The following EXOC6 variants were observed in gnomAD, a reference collection of about 807,000 sequenced individuals.
EXOC6 encodes exocyst complex component 6, also known as SEC15-like 1.
EXOC6 carries 60 observed loss-of-function variants against 112.5 expected under a neutral mutation model. The ratio of observed to expected loss-of-function variants is 0.53; its 90% confidence interval spans 0.43 to 0.66. The LOEUF (loss-of-function observed/expected upper bound fraction) is 0.66, where lower values mean the gene tolerates loss of function less well. EXOC6 is among the 30% of genes least tolerant of loss of function. The pLI, the probability that EXOC6 is intolerant of heterozygous loss-of-function variation, is 0.00. For synonymous variants in EXOC6, 295 were observed against 308.0 expected, an observed-to-expected ratio of 0.96 and a Z score of 0.44; for missense variants, 855 against 957.1, an observed-to-expected ratio of 0.89 and a Z score of 1.41.
intron 11 of EXOC6, among the ~76,000 whole-genome samples, chr10:92,935,589 T>G (rs1275035391): frequency 3.3e-5 from 5 of 151,724 alleles, no homozygotes; most frequent in Non-Finnish European, 5.9e-5. Context: ...ATCTAAAAAC[T>G]TTTGAAATAT....
chr10:92,992,774 T>A (rs1156706213), intron 18 of EXOC6, among the ~76,000 whole-genome samples: 1 of 152,004 alleles, frequency 6.6e-6, no homozygotes, highest in Non-Finnish European at 1.5e-5. Context: ...TTTTAAAATT[T>A]AAATTTAAAA....
chr10:93,040,852 C>T (rs1845732702), intron 20 of EXOC6, among the ~76,000 whole-genome samples: 1 of 152,148 alleles, frequency 6.6e-6, no homozygotes, highest in Non-Finnish European at 1.5e-5. Context: ...AACATCCTTC[C>T]TCTTTCTTTT....
intron 8 of EXOC6, among the ~76,000 whole-genome samples, chr10:92,921,090 A>G (rs2133910818): frequency 6.6e-6 from 1 of 152,268 alleles, no homozygotes; most frequent in South Asian, 2.1e-4. Flanking sequence ...CATTTAATGT[A>G]ATTACTGGTA....
At chr10:93,029,964 A>G (rs1344554662) in intron 20 of EXOC6, among the ~76,000 whole-genome samples, 1 of 150,246 alleles carries the variant, frequency 6.7e-6, no homozygotes, top group African/African-American at 2.5e-5. Flanking sequence ...GCTGGAGCGC[A>G]ATGGCGCGAT....
upstream of EXOC6, among the ~76,000 whole-genome samples, chr10:92,833,597 CAT>C (rs1190244650): frequency 1.3e-5 from 2 of 151,976 alleles, no homozygotes; most frequent in African/African-American, 2.4e-5. Flanking sequence ...TGACAAATGC[CAT>C]AGATTGTAGT....
chr10:92,975,146 C>T (rs1251750179), intron 18 of EXOC6, among the ~76,000 whole-genome samples: 1 of 151,928 alleles, frequency 6.6e-6, no homozygotes, highest in Non-Finnish European at 1.5e-5. Flanking sequence ...GCCGCCATCC[C>T]ATGTACGAAG....
chr10:93,041,031 G>A (rs9419766), intron 20 of EXOC6, among the ~76,000 whole-genome samples: 19,663 of 152,200 alleles, frequency 0.13, 1,415 homozygotes, highest in African/African-American at 0.18. Context: ...TGACTTAGGT[G>A]TGTGTCCCGC....
rs889722659 is a variant in EXOC6 at position 93,045,162 on chromosome 10, G to A, written c.2170-11762G>A. Among the ~76,000 whole-genome samples the A allele has an allele frequency of 3.3e-5, 5 of 152,190 alleles. No individual in the cohort carries two copies. The East Asian group carries it at 7.7e-4, about 23-fold the overall frequency. ...GCTGGGATTACAGGCGTGAGCCACC[G>A]TGCCTGGCCAAGTATTTAGTTTTAA... On this transcript the variant is annotated intron_variant, in intron 20 of 21. Coordinates refer to ENST00000260762, the MANE Select transcript of EXOC6 (RefSeq NM_019053.6).
intron 1 of EXOC6, among the ~76,000 whole-genome samples, chr10:92,867,744 A>G (rs1264928523): frequency 6.6e-6 from 1 of 152,214 alleles, no homozygotes; most frequent in South Asian, 2.1e-4. Context: ...AAAACAATAT[A>G]GGATTTGGGA....
At chr10:92,956,207 A>G (rs1186192178) in intron 17 of EXOC6, among the ~76,000 whole-genome samples, 3 of 152,104 alleles carry the variant, frequency 2.0e-5, no homozygotes, top group Non-Finnish European at 2.9e-5. Context: ...GGATTAATTA[A>G]TGGTTGTTTT....
chr10:92,934,737 T>C (rs1176362385), intron 11 of EXOC6, among the ~76,000 whole-genome samples: 4 of 152,156 alleles, frequency 2.6e-5, no homozygotes, highest in Non-Finnish European at 5.9e-5. Flanking sequence ...ATGTTTTTAA[T>C]TATCATTTCA....
At chr10:92,832,105 A>T (rs1212475900), upstream of EXOC6, among the ~76,000 whole-genome samples, 1 of 152,164 alleles carries the variant, frequency 6.6e-6, no homozygotes, top group Non-Finnish European at 1.5e-5. Flanking sequence ...GTGATTTCTC[A>T]TCATGTATTT....
intron 1 of EXOC6, among the ~76,000 whole-genome samples, chr10:92,838,103 A>C (rs977005929): frequency 3.9e-5 from 6 of 152,158 alleles, no homozygotes; most frequent in African/African-American, 1.4e-4. Context: ...CTCAGGACTC[A>C]AGAGATGGTT....
intron 18 of EXOC6, among the ~76,000 whole-genome samples, chr10:92,990,700 T>G (rs912731431): frequency 9.9e-5 from 15 of 152,052 alleles, no homozygotes; most frequent in Admixed American, 9.8e-4. Context: ...GCCATGGTGG[T>G]TTATTGCCCC....
At chr10:92,963,860 T>C (rs551770300) in intron 17 of EXOC6, among the ~76,000 whole-genome samples, 1 of 152,316 alleles carries the variant, frequency 6.6e-6, no homozygotes, top group South Asian at 2.1e-4. Flanking sequence ...TACAAGCTTT[T>C]CATGGCTTTT....
intron 1 of EXOC6, among the ~76,000 whole-genome samples, chr10:92,857,497 T>C (rs1847657205): frequency 6.6e-6 from 1 of 152,172 alleles, no homozygotes; most frequent in African/African-American, 2.4e-5. Flanking sequence ...TTATATTAAG[T>C]TTCTTATTTA....
chr10:92,879,599 A>C (rs946057813), intron 1 of EXOC6, among the ~76,000 whole-genome samples: 2 of 152,238 alleles, frequency 1.3e-5, no homozygotes, highest in Admixed American at 1.3e-4. Flanking sequence ...TAGATTTTCA[A>C]ATGCTGATGA....
At chr10:92,913,571 G>A (rs1160196078) in intron 6 of EXOC6, among the ~76,000 whole-genome samples, 2 of 152,004 alleles carry the variant, frequency 1.3e-5, no homozygotes, top group African/African-American at 2.4e-5. Context: ...CACATTTCTC[G>A]GTCTGATGAA....
intron 1 of EXOC6, among the ~76,000 whole-genome samples, chr10:92,839,415 G>A (rs562202820): frequency 6.6e-6 from 1 of 152,258 alleles, no homozygotes; most frequent in South Asian, 2.1e-4. Flanking sequence ...CCTTGCACAA[G>A]GATGGTCAAT....
Sources: allele counts gnomAD v4.1 joint callset (sites outside exome capture counted in the v4.1 genomes callset), GRCh38; gene constraint gnomAD v4.1.1; transcripts MANE v1.5; gene names NCBI Gene and HGNC (gene_info 2026-07-23, HGNC 2026-07-21).